LRP1B: variants seen among roughly 807,000 people sequenced by gnomAD.
The protein encoded by LRP1B is LDL receptor related protein 1B.
LRP1B carries 217 observed loss-of-function variants against 556.6 expected under a neutral mutation model. That is an observed-to-expected ratio of 0.39 (90% CI 0.35 to 0.44). LRP1B has a LOEUF of 0.44. LRP1B is among the 20% of genes least tolerant of loss of function. LRP1B has a pLI of 1.00. For synonymous variants in LRP1B, 2,047 were observed against 1,865.8 expected (o/e 1.10, Z -2.50); for missense variants, 5,053 against 5,620.8 (o/e 0.90, Z 3.23).
At chr2:140,351,464 AAATT>A (rs1488121457) in intron 76 of LRP1B, among the ~76,000 whole-genome samples, 1 of 152,068 alleles carries the variant, frequency 6.6e-6, no homozygotes, top group Non-Finnish European at 1.5e-5. Flanking sequence ...TAAGAAATAA[AAATT>A]AAAATATGAA....
At chr2:141,583,185 AC>A (rs1034991420) in intron 2 of LRP1B, among the ~76,000 whole-genome samples, 69 of 152,250 alleles carry the variant, frequency 4.5e-4, no homozygotes, top group African/African-American at 1.6e-3. Context: ...CTAATGTCAA[AC>A]AGTTTGGAGA....
intron 3 of LRP1B, among the ~76,000 whole-genome samples, chr2:141,345,121 T>C (rs923511646): frequency 1.1e-5 from 1 of 92,344 alleles, no homozygotes; most frequent in African/African-American, 5.1e-5. Context: ...GCTTGAATGA[T>C]GGAAGAGGCC....
In LRP1B at chr2:141,281,919, A is replaced by G. The variant is rs532509026; in HGVS notation, c.344-27278T>C. 7.0e-4 allele frequency among the ~76,000 whole-genome samples: 106 copies of G among 152,258 alleles called. 1 individual carries two copies. Among genetic ancestry groups the G allele is most frequent in the African/African-American group, 2.5e-3 (103 of 41,582 alleles). ...TAAACCGTAAAGTGATCATAAGAAC[A>G]TTAACTTTACAAATCTTCTGGGAAG... On this transcript the variant is annotated intron_variant, in intron 3 of 90. Transcript: ENST00000389484.
chr2:141,055,209 A>C lies in LRP1B; in HGVS notation c.1459T>G (p.Ser487Ala), dbSNP rs201448014. 4.8e-5 allele frequency: 78 copies of C among 1,612,218 alleles called. No individual in the cohort carries two copies. The highest frequency in any genetic ancestry group is 6.2e-5 in the Non-Finnish European group (73 of 1,178,974). Residue 487 changes from serine (S) to alanine (A), a missense_variant, in exon 10 of 91, where the codon TCA becomes GCA. Physicochemically the swap from Ser to Ala is moderately conservative, Grantham distance 99. Around this residue, in one of 5 missense-constraint regions of LRP1B, gnomAD observed 3,619 missense variants for 3,931.9 expected, o/e 0.92. Transcript: ENST00000389484. ...VDPYGMPGGCSHICLLSSSYK... is the reference protein window; with the variant it reads ...VDPYGMPGGCAHICLLSSSYK... Reference sequence around the variant, plus strand: ...CTGCTGCTGAGTAGACAGATGTGTGAACAGCCCCCTGGCATTCCATATGGA... The same window carrying C: ...CTGCTGCTGAGTAGACAGATGTGTGCACAGCCCCCTGGCATTCCATATGGA...
intron 2 of LRP1B, among the ~76,000 whole-genome samples, chr2:141,613,361 T>C (rs901117264): frequency 6.6e-5 from 10 of 152,274 alleles, no homozygotes; most frequent in African/African-American, 2.4e-4. Flanking sequence ...TGCATGACCG[T>C]TTATTTAAAA....
chr2:140,742,608 A>T (rs897777484), intron 35 of LRP1B, among the ~76,000 whole-genome samples: 22 of 151,250 alleles, frequency 1.5e-4, no homozygotes, highest in Admixed American at 2.6e-4. Context: ...TCTATTATAA[A>T]TTTTTTTTTA....
At chr2:140,304,406 C>A (rs557108414) in intron 83 of LRP1B, among the ~76,000 whole-genome samples, 1 of 152,226 alleles carries the variant, frequency 6.6e-6, no homozygotes, top group Non-Finnish European at 1.5e-5. Context: ...TCTCTGATGG[C>A]CAGTGATGAT....
chr2:141,425,761 G>A (rs1680338539), intron 3 of LRP1B, among the ~76,000 whole-genome samples: 1 of 152,034 alleles, frequency 6.6e-6, no homozygotes, highest in South Asian at 2.1e-4. Context: ...ACTTTTTGAT[G>A]GAGTTGTTTG....
Position 141,931,174 on chromosome 2 carries a change from G to C in LRP1B, c.83-120773C>G, listed in dbSNP as rs1356711249. On this transcript the variant is annotated intron_variant, in intron 1 of 90. Coordinates refer to ENST00000389484, the MANE Select transcript of LRP1B (RefSeq NM_018557.3). ...CTATGACTAATTGAAAGAATAATTT[G>C]CTATGTATCAAGTAAAATAATTATT... 3.3e-5 allele frequency among the ~76,000 whole-genome samples: 5 copies of C among 152,010 alleles called. 1 individual carries two copies. Among genetic ancestry groups the C allele is most frequent in the Admixed American group, 2.6e-4 (4 of 15,220 alleles).
intron 2 of LRP1B, among the ~76,000 whole-genome samples, chr2:141,607,227 C>T (rs1367086502): frequency 1.3e-5 from 2 of 151,890 alleles, no homozygotes; most frequent in South Asian, 2.1e-4. Flanking sequence ...GAGTGCATAC[C>T]CACCTCTGGA....
intron 31 of LRP1B, among the ~76,000 whole-genome samples, chr2:140,814,284 AAC>A (rs1224037514): frequency 5.3e-5 from 8 of 152,300 alleles, no homozygotes; most frequent in Non-Finnish European, 1.2e-4. Context: ...AGCCAACATA[AAC>A]AGTTTCAACC....
chr2:141,566,102 T>C (rs1214122301), intron 2 of LRP1B, among the ~76,000 whole-genome samples: 4 of 151,864 alleles, frequency 2.6e-5, no homozygotes, highest in African/African-American at 9.7e-5. Flanking sequence ...GAAAATGTTA[T>C]TAAAATACTT....
chr2:140,828,131 C>T (rs552211568), intron 31 of LRP1B, among the ~76,000 whole-genome samples: 1 of 151,900 alleles, frequency 6.6e-6, no homozygotes, highest in Admixed American at 6.5e-5. Flanking sequence ...GGGAATTCTT[C>T]AATATGCAAA....
intron 45 of LRP1B, among the ~76,000 whole-genome samples, chr2:140,537,543 G>A (rs1051996342): frequency 1.3e-5 from 2 of 151,952 alleles, no homozygotes. Flanking sequence ...GAGGTTCCCG[G>A]GAGCAGACTC....
In LRP1B at chr2:140,540,182, T is replaced by C. The variant is rs550253664; in HGVS notation, c.7513+791A>G. 1.2e-4 allele frequency among the ~76,000 whole-genome samples: 19 copies of C among 152,170 alleles called. No individual in the cohort carries two copies. In the South Asian group the frequency reaches 3.7e-3, roughly 30 times the overall value. On this transcript the variant is annotated intron_variant, in intron 45 of 90. Coordinates refer to ENST00000389484, the MANE Select transcript of LRP1B (RefSeq NM_018557.3). ...ATTTTCTGAATGAAAAGATATGAGATGAGGATATATTAATAGGTGAGGAGA... is the reference window on the plus strand; with the variant it reads ...ATTTTCTGAATGAAAAGATATGAGACGAGGATATATTAATAGGTGAGGAGA...
chr2:141,017,904 G>A (rs992045468), intron 12 of LRP1B, among the ~76,000 whole-genome samples: 3 of 151,752 alleles, frequency 2.0e-5, no homozygotes, highest in Admixed American at 6.6e-5. Context: ...AGCTGAGGTG[G>A]GAGAATCGAT....
intron 1 of LRP1B, among the ~76,000 whole-genome samples, chr2:142,120,391 C>T (rs538716690): frequency 2.8e-4 from 42 of 152,108 alleles, no homozygotes; most frequent in Non-Finnish European, 5.0e-4. Flanking sequence ...GGATTACAGG[C>T]GTGAGCCACC....
intron 43 of LRP1B, among the ~76,000 whole-genome samples, chr2:140,555,459 A>G (rs1269373942): frequency 6.6e-6 from 1 of 152,076 alleles, no homozygotes; most frequent in African/African-American, 2.4e-5. Context: ...TTATTAGTAT[A>G]TATTAGTAAT....
chr2:140,593,812 C>T (rs1344734107), intron 43 of LRP1B, among the ~76,000 whole-genome samples: 1 of 151,768 alleles, frequency 6.6e-6, no homozygotes, highest in Non-Finnish European at 1.5e-5. Context: ...ATTTAAAAAA[C>T]CCTTTTTTGA....
Sources: gnomAD v4.1 joint callset for allele counts (sites outside exome capture counted in the v4.1 genomes callset) on GRCh38, gnomAD v4.1.1 for gene constraint, gnomAD v4.1.1 regional missense constraint, MANE v1.5 for transcripts, NCBI Gene and HGNC (gene_info 2026-07-23, HGNC 2026-07-21) for gene names.